Variants in EHBP1 observed in about 807,000 individuals in gnomAD.
The protein encoded by EHBP1 is EH domain binding protein 1.
Under a neutral mutation model 144.0 loss-of-function variants are expected in EHBP1, and 55 were observed. The observed-to-expected ratio is 0.38, with a 90% CI of 0.31 to 0.48. EHBP1 has a LOEUF of 0.48. EHBP1 is among the 20% of genes least tolerant of loss of function. The pLI, the probability that EHBP1 is intolerant of heterozygous loss-of-function variation, is 0.98. For missense variants in EHBP1, 1,200 were observed against 1,364.2 expected, an observed-to-expected ratio of 0.88 and a Z score of 1.90; for synonymous variants, 469 against 472.7, an observed-to-expected ratio of 0.99 and a Z score of 0.10.
At chr2:62,978,186 A>C (rs1046335062) in intron 14 of EHBP1, among the ~76,000 whole-genome samples, 2 of 151,782 alleles carry the variant, frequency 1.3e-5, no homozygotes, top group Non-Finnish European at 2.9e-5. Context: ...TTTGCGATTC[A>C]TAATATTAAT....
intron 2 of EHBP1, among the ~76,000 whole-genome samples, chr2:62,722,011 C>T (rs1279844445): frequency 1.3e-5 from 2 of 152,078 alleles, no homozygotes; most frequent in Non-Finnish European, 2.9e-5. Flanking sequence ...ACCATATTTG[C>T]TTTATCAATC....
intron 5 of EHBP1, among the ~76,000 whole-genome samples, chr2:62,783,892 C>A (rs1440489252): frequency 6.6e-6 from 1 of 152,150 alleles, no homozygotes; most frequent in African/African-American, 2.4e-5. Flanking sequence ...ATGGGGTTTT[C>A]TTTTTTATCA....
At chr2:62,730,724 CAAGATACACA>C (rs940236419) in intron 2 of EHBP1, among the ~76,000 whole-genome samples, 5 of 141,948 alleles carry the variant, frequency 3.5e-5, no homozygotes, top group South Asian at 2.3e-4. Context: ...TACACAAAGA[CAAGATACACA>C]AAGATACACA....
At chr2:62,723,632 T>C (rs2036452344) in intron 2 of EHBP1, among the ~76,000 whole-genome samples, 1 of 152,230 alleles carries the variant, frequency 6.6e-6, no homozygotes, top group African/African-American at 2.4e-5. Flanking sequence ...TTCCTTTCCA[T>C]ATATAGTGTT....
chr2:62,824,237 TA>T (rs2046186403), intron 5 of EHBP1, among the ~76,000 whole-genome samples: 1 of 152,016 alleles, frequency 6.6e-6, no homozygotes, highest in South Asian at 2.1e-4. Context: ...TATTCAGTTA[TA>T]AAATTAAATA....
intron 10 of EHBP1, among the ~76,000 whole-genome samples, chr2:62,902,871 T>C (rs1160873899): frequency 2.6e-5 from 4 of 152,222 alleles, no homozygotes; most frequent in African/African-American, 9.6e-5. Flanking sequence ...TTAAAAGATA[T>C]TAGTTTGTTA....
Position 62,874,552 on chromosome 2 carries a change from A to G in EHBP1, c.1185+20A>G, listed in dbSNP as rs771181516. ...CCTAAGGTAGGATTTTATTCATAGT[A>G]AAACATGTATTAATATTTGCTGTTT... On this transcript the variant is annotated intron_variant, in intron 10 of 22. Coordinates refer to ENST00000431489, the MANE Select transcript of EHBP1 (RefSeq NM_001142616.3). The G allele has an allele frequency of 3.3e-6, 5 of 1,534,790 alleles. No individual in the cohort carries two copies. Among genetic ancestry groups the G allele is most frequent in the Non-Finnish European group, 4.4e-6 (5 of 1,137,718 alleles).
At position 62,943,845 on chromosome 2, in the gene EHBP1, A is replaced by C; in HGVS notation, c.1408A>C (p.Lys470Gln). The change falls in exon 12 of 23, where the codon AAA becomes CAA. Residue 470 changes from lysine to glutamine, a missense_variant. Lys to Gln is a moderately conservative substitution (Grantham distance 53, BLOSUM62 1). Coordinates refer to ENST00000431489, the MANE Select transcript of EHBP1 (RefSeq NM_001142616.3). ...TCCTCAAGATATTAAAGAGAACAAC[A>C]AAAAGGTAAGAATTGATGAGCAAGA... ...LNPQDIKENN[K>Q]KAYDGFASIG... 6.2e-7 allele frequency: 1 copy of C among 1,604,028 alleles called. No individual in the cohort carries two copies. The highest frequency in any genetic ancestry group is 8.5e-7 in the Non-Finnish European group (1 of 1,173,706).
At chr2:62,715,604 A>G (rs1313687652) in intron 2 of EHBP1, among the ~76,000 whole-genome samples, 2 of 152,144 alleles carry the variant, frequency 1.3e-5, no homozygotes, top group South Asian at 2.1e-4. Context: ...AGGGGAATTG[A>G]TGTGTACAAC....
intron 5 of EHBP1, among the ~76,000 whole-genome samples, chr2:62,823,380 T>G (rs1368257019): frequency 6.6e-6 from 1 of 152,108 alleles, no homozygotes; most frequent in Non-Finnish European, 1.5e-5. Flanking sequence ...TACTCTTTTT[T>G]CTCTCATTCT....
intron 5 of EHBP1, among the ~76,000 whole-genome samples, chr2:62,780,642 G>A (rs899813239): frequency 6.6e-5 from 10 of 152,164 alleles, no homozygotes; most frequent in African/African-American, 2.2e-4. Context: ...AAAGAGGTAT[G>A]CCTAAGAATG....
At chr2:62,851,276 G>A (rs375588816) in intron 7 of EHBP1, among the ~76,000 whole-genome samples, 1 of 152,118 alleles carries the variant, frequency 6.6e-6, no homozygotes, top group Admixed American at 6.5e-5. Flanking sequence ...TTCATGATAG[G>A]ACAGCTGCCA....
intron 10 of EHBP1, among the ~76,000 whole-genome samples, chr2:62,901,812 G>A (rs2053438215): frequency 6.6e-6 from 1 of 151,766 alleles, no homozygotes; most frequent in Admixed American, 6.6e-5. Context: ...CAAAAAATAT[G>A]GAAATCAGCA....
intron 10 of EHBP1, among the ~76,000 whole-genome samples, chr2:62,931,469 A>G (rs2055985201): frequency 6.6e-6 from 1 of 152,220 alleles, no homozygotes; most frequent in African/African-American, 2.4e-5. Context: ...TGTGGAAAAC[A>G]GTATCATGAT....
At chr2:63,017,937 G>A (rs1022343768) in intron 19 of EHBP1, among the ~76,000 whole-genome samples, 2 of 152,200 alleles carry the variant, frequency 1.3e-5, no homozygotes, top group African/African-American at 4.8e-5. Flanking sequence ...GCTTAGGCAG[G>A]AGGATTGCTT....
chr2:62,684,222 TG>T (rs1322416130), intron 1 of EHBP1, among the ~76,000 whole-genome samples: 3 of 151,746 alleles, frequency 2.0e-5, no homozygotes, highest in Non-Finnish European at 2.9e-5. Context: ...GCAATGGTCC[TG>T]GAAATACATC....
chr2:62,832,413 C>G (rs182936521), intron 7 of EHBP1, among the ~76,000 whole-genome samples: 86 of 146,472 alleles, frequency 5.9e-4, no homozygotes, highest in Admixed American at 1.8e-3. Context: ...CTTTATTGCA[C>G]TTCACAGATT....
At chr2:62,824,745 T>G (rs191010692) in intron 5 of EHBP1, among the ~76,000 whole-genome samples, 1 of 152,120 alleles carries the variant, frequency 6.6e-6, no homozygotes, top group Non-Finnish European at 1.5e-5. Context: ...CAAGGTATTC[T>G]TTAGGGATGC....
chr2:62,889,456 A>T (rs1414619844), intron 10 of EHBP1, among the ~76,000 whole-genome samples: 1 of 152,034 alleles, frequency 6.6e-6, no homozygotes, highest in African/African-American at 2.4e-5. Flanking sequence ...TGGTGTCTTC[A>T]TCTTGAAATC....
Sources: allele counts gnomAD v4.1 joint callset (sites outside exome capture counted in the v4.1 genomes callset), GRCh38; gene constraint gnomAD v4.1.1; transcripts MANE v1.5; gene names NCBI Gene and HGNC (gene_info 2026-07-23, HGNC 2026-07-21).